The following PATJ variants were observed in gnomAD, a reference collection of about 807,000 sequenced individuals.
PATJ encodes inaD-like protein.
Under a neutral mutation model 224.9 loss-of-function variants are expected in PATJ, and 190 were observed. That is an observed-to-expected ratio of 0.84 (90% CI 0.75 to 0.95). The LOEUF is 0.95. PATJ is among the 40% of genes least tolerant of loss of function. PATJ has a pLI of 0.00. For synonymous variants in PATJ, 769 were observed against 820.3 expected (o/e 0.94, Z 1.07); for missense variants, 2,121 against 2,270.3 (o/e 0.93, Z 1.34).
chr1:61,903,646 T>C (rs1352935129), intron 24 of PATJ, among the ~76,000 whole-genome samples: 1 of 152,198 alleles, frequency 6.6e-6, no homozygotes, highest in Non-Finnish European at 1.5e-5. Flanking sequence ...GGATTTGTTG[T>C]TGGTGATTTG....
intron 27 of PATJ, among the ~76,000 whole-genome samples, chr1:61,973,879 T>G (rs906755753): frequency 6.6e-6 from 1 of 152,024 alleles, no homozygotes; most frequent in African/African-American, 2.4e-5. Flanking sequence ...AATCAGATCG[T>G]TTTTTATGAA....
chr1:62,081,451 C>T (rs916382390), intron 32 of PATJ, among the ~76,000 whole-genome samples: 1 of 152,024 alleles, frequency 6.6e-6, no homozygotes, highest in Non-Finnish European at 1.5e-5. Flanking sequence ...GTGAGGCAAA[C>T]GTGGAGGAGG....
intron 26 of PATJ, among the ~76,000 whole-genome samples, chr1:61,919,138 T>C (rs910514248): frequency 6.6e-6 from 1 of 152,134 alleles, no homozygotes; most frequent in Non-Finnish European, 1.5e-5. Flanking sequence ...TTATCTGTTA[T>C]ATCTTTTTTC....
chr1:61,793,380 AC>A lies in PATJ; in HGVS notation c.1168+1935del, dbSNP rs201269853. Among the ~76,000 whole-genome samples, 124 of 152,322 alleles carry A rather than the reference AC, an allele frequency of 8.1e-4. 1 individual carries two copies. The East Asian group carries it at 0.014, about 17-fold the overall frequency. On this transcript the variant is annotated intron_variant, in intron 9 of 43. Coordinates refer to ENST00000642238, the MANE Select transcript of PATJ (RefSeq NM_001350145.3). ...GAAGGGTTTCGATAGGTCAGAGTTT[AC>A]CAGAAGAAAGAAACTAGAGAAAAGG...
At chr1:62,127,440 A>G (rs1447206507) in intron 39 of PATJ, among the ~76,000 whole-genome samples, 2 of 151,298 alleles carry the variant, frequency 1.3e-5, no homozygotes, top group Non-Finnish European at 2.9e-5. Flanking sequence ...TTTGACACAA[A>G]TGACTCCATT....
At position 62,151,540 on chromosome 1, in the gene PATJ, G is replaced by A. The variant is rs1298373264; in HGVS notation, c.5379-1818G>A. Among the ~76,000 whole-genome samples the A allele has an allele frequency of 5.3e-5, 8 of 152,278 alleles. No individual in the cohort carries two copies. The South Asian group carries it at 8.3e-4, about 16-fold the overall frequency. ...CAGGAGGCAGAGCTTGCAGTGAGCCGAGATAGCGCCACTGCACTGCAGCCT... is the reference window on the plus strand; with the variant it reads ...CAGGAGGCAGAGCTTGCAGTGAGCCAAGATAGCGCCACTGCACTGCAGCCT... On this transcript the variant is annotated intron_variant, in intron 42 of 43. Transcript: ENST00000642238.
intron 14 of PATJ, among the ~76,000 whole-genome samples, chr1:61,817,308 C>A (rs1436004152): frequency 1.3e-5 from 2 of 152,188 alleles, no homozygotes; most frequent in African/African-American, 4.8e-5. Context: ...CTGAAGAGAA[C>A]TTTCAATTTA....
At chr1:62,073,138 T>G (rs1457836845) in intron 31 of PATJ, 2 of 985,246 alleles carry the variant, frequency 2.0e-6, no homozygotes, top group African/African-American at 3.5e-5. Context: ...TGGGGTTGCG[T>G]GCGTTATAGA....
Position 61,990,333 on chromosome 1 carries a change from G to T in PATJ, c.3836G>T (p.Gly1279Val), listed in dbSNP as rs1003160500. 1.2e-5 allele frequency: 19 copies of T among 1,612,890 alleles called. No homozygotes were observed. The highest frequency in any genetic ancestry group is 1.6e-5 in the Non-Finnish European group (19 of 1,179,768). Reference protein sequence around the residue: ...INPEGPAAADGRMRIGDELLE... With the variant: ...INPEGPAAADVRMRIGDELLE... Reference sequence around the variant, plus strand: ...CCGGAAGGACCTGCTGCCGCAGATGGACGAATGCGTATTGGAGATGAACTC... The same window carrying T: ...CCGGAAGGACCTGCTGCCGCAGATGTACGAATGCGTATTGGAGATGAACTC... Residue 1279 changes from glycine (G) to valine (V), a missense_variant, in exon 28 of 44, where the codon GGA (glycine) becomes GTA (valine). Gly to Val is a moderately radical substitution (Grantham distance 109). Coordinates refer to ENST00000642238, the MANE Select transcript of PATJ (RefSeq NM_001350145.3).
At chr1:61,793,310 T>C (rs1650288650) in intron 9 of PATJ, among the ~76,000 whole-genome samples, 1 of 152,004 alleles carries the variant, frequency 6.6e-6, no homozygotes, top group South Asian at 2.1e-4. Flanking sequence ...CAGAGGGAAA[T>C]GGAGAATTCA....
intron 26 of PATJ, among the ~76,000 whole-genome samples, chr1:61,915,596 A>G (rs1308937217): frequency 6.6e-6 from 1 of 151,882 alleles, no homozygotes; most frequent in Non-Finnish European, 1.5e-5. Flanking sequence ...AAGAAGTTAT[A>G]TCTTTTGGAT....
At chr1:61,777,681 T>C (rs1157408469) in intron 7 of PATJ, among the ~76,000 whole-genome samples, 1 of 148,790 alleles carries the variant, frequency 6.7e-6, no homozygotes. Context: ...TTCTATTTTC[T>C]TCCTTTTTTC....
chr1:61,757,439 C>T (rs779149295), intron 1 of PATJ, among the ~76,000 whole-genome samples: 8 of 152,108 alleles, frequency 5.3e-5, no homozygotes, highest in Admixed American at 2.0e-4. Flanking sequence ...GGCTGGAGTG[C>T]AGTGGTGCTA....
intron 26 of PATJ, among the ~76,000 whole-genome samples, chr1:61,926,101 G>A (rs1675153027): frequency 6.6e-6 from 1 of 152,150 alleles, no homozygotes; most frequent in Non-Finnish European, 1.5e-5. Flanking sequence ...ATAGTTCAGG[G>A]AGGCCTACTG....
intron 29 of PATJ, among the ~76,000 whole-genome samples, chr1:62,032,204 G>T (rs545186112): frequency 2.6e-5 from 4 of 152,218 alleles, no homozygotes; most frequent in South Asian, 4.1e-4. Context: ...CTATTTTCTT[G>T]CTGGTTCTCA....
rs189697334 is a variant in PATJ, at chr1:61,773,842, C to T, written c.721-1364C>T. ...CCCCACCTCTACAAAAGATAATGGC[C>T]GGGCACTTTGGCTCACGCCTGTAGT... On this transcript the variant is annotated intron_variant, in intron 6 of 43. Coordinates refer to ENST00000642238, the MANE Select transcript of PATJ (RefSeq NM_001350145.3). 6.3e-4 allele frequency among the ~76,000 whole-genome samples: 96 copies of T among 151,402 alleles called. 1 individual carries two copies. In the South Asian group the frequency reaches 0.013, roughly 20 times the overall value.
intron 27 of PATJ, among the ~76,000 whole-genome samples, chr1:61,953,108 T>C (rs571250619): frequency 6.6e-6 from 1 of 152,234 alleles, no homozygotes; most frequent in African/African-American, 2.4e-5. Flanking sequence ...CAATCATTGC[T>C]ACATTGGCCA....
chr1:61,987,851 T>C (rs17122891), intron 27 of PATJ, among the ~76,000 whole-genome samples: 33,149 of 152,080 alleles, frequency 0.22, 3,941 homozygotes, highest in East Asian at 0.45. Context: ...TCTGCTTAAA[T>C]TTTGCTAATT....
At chr1:62,041,140 T>A (rs1014381045) in intron 30 of PATJ, among the ~76,000 whole-genome samples, 1 of 152,172 alleles carries the variant, frequency 6.6e-6, no homozygotes, top group Non-Finnish European at 1.5e-5. Context: ...GGCTAGTTGG[T>A]ATAGCTTGCT....
Sources: allele counts gnomAD v4.1 joint callset (sites outside exome capture counted in the v4.1 genomes callset), GRCh38; gene constraint gnomAD v4.1.1; transcripts MANE v1.5; gene names NCBI Gene and HGNC (gene_info 2026-07-23, HGNC 2026-07-21).